Variants in DOK4 observed in about 807,000 individuals in gnomAD.
DOK4 encodes the protein downstream of tyrosine kinase 4.
DOK4 carries 26 observed loss-of-function variants against 40.1 expected under a neutral mutation model. The ratio of observed to expected loss-of-function variants is 0.65; its 90% confidence interval spans 0.48 to 0.90. The LOEUF is 0.90. Among genes scored for constraint, DOK4 ranks in the 40% least tolerant of loss-of-function variants. The pLI is 0.00. For missense variants in DOK4, 392 were observed against 437.2 expected (o/e 0.90, Z 0.92); for synonymous variants, 179 against 177.0 (o/e 1.01, Z -0.09).
chr16:57,485,587 C>G lies in DOK4; in HGVS notation c.-182+718G>C, dbSNP rs2031519367. Among the ~76,000 whole-genome samples, 1 of 152,232 alleles carries G rather than the reference C, an allele frequency of 6.6e-6. No homozygotes were observed. Among genetic ancestry groups the G allele is most frequent in the Non-Finnish European group, 1.5e-5 (1 of 68,048 alleles). The stretch of plus-strand genomic sequence containing the variant: ...CCCACACCCTCCATCCAAGCGGAAG[C>G]GCCCCAGCAACTGACGTGTCCCCAT... On this transcript the variant is annotated intron_variant, in intron 1 of 8. Coordinates refer to ENST00000340099, the Ensembl canonical transcript of DOK4. The surrounding 1 kb of genome is among the most constrained non-coding windows in gnomAD (Gnocchi z 4.3).
chr16:57,473,767 T>G (rs2030998920), intron 7 of DOK4, 31 bp from the exon 8 acceptor site: 1 of 1,597,000 alleles, frequency 6.3e-7, no homozygotes, highest in Non-Finnish European at 8.5e-7. Flanking sequence ...TCACTCCCAT[T>G]AGTGGCTTAC....
In DOK4 at chr16:57,479,078, C is replaced by T. The variant is rs1379672497; in HGVS notation, c.66+364G>A. Among the ~76,000 whole-genome samples, 1 of 152,160 alleles carries T rather than the reference C, an allele frequency of 6.6e-6. No individual in the cohort carries two copies. The highest frequency in any genetic ancestry group is 2.4e-5 in the African/African-American group (1 of 41,438). ...AGAGGAGGCCAGGGGAAGTGAGACGCTGCTTCTCAGCTCAGACACAGCCCG... is the reference window on the plus strand; with the variant it reads ...AGAGGAGGCCAGGGGAAGTGAGACGTTGCTTCTCAGCTCAGACACAGCCCG... On this transcript the variant is annotated intron_variant, in intron 2 of 8. Transcript: ENST00000340099. This position sits in a 1 kb window ranked among gnomAD's most constrained non-coding sequence, Gnocchi z 5.8.
At chr16:57,475,854 G>A (rs2146635515) in exon 3 of DOK4, 3 of 1,611,072 alleles carry the variant, frequency 1.9e-6, no homozygotes, top group Non-Finnish European at 2.5e-6. Flanking sequence ...CCTAACCTTG[G>A]GGCAGCCCCG....
chr16:57,475,057 C>T, intron 5 of DOK4, 43 bp downstream of exon 5: 1 of 1,544,864 alleles, frequency 6.5e-7, no homozygotes, highest in Admixed American at 1.7e-5. Flanking sequence ...TTCCTCTCTT[C>T]CTCCTCCCCC....
chr16:57,473,901 C>G, exon 7 of DOK4: 1 of 1,613,660 alleles, frequency 6.2e-7, no homozygotes, highest in Non-Finnish European at 8.5e-7. Context: ...GCTGCCTCAC[C>G]CTCACGTTCT....
rs1298819752 is a variant in DOK4, at chr16:57,485,535, G to A, written c.-182+770C>T. The stretch of plus-strand genomic sequence containing the variant: ...TCCTAGAGATACTGCCAGGCCCCTC[G>A]CTGCCCTGGCCATCAGACCCCTCCA... On this transcript the variant is annotated intron_variant, in intron 1 of 8. Transcript: ENST00000340099. This position sits in a 1 kb window ranked among gnomAD's most constrained non-coding sequence, Gnocchi z 4.3. 6.6e-6 allele frequency among the ~76,000 whole-genome samples: 1 copy of A among 152,088 alleles called. No homozygotes were observed. Among genetic ancestry groups the A allele is most frequent in the African/African-American group, 2.4e-5 (1 of 41,418 alleles).
rs375876679 is a variant in DOK4 at position 57,474,353 on chromosome 16, T to C, written c.600-314A>G. On this transcript the variant is annotated intron_variant, in intron 6 of 8. Coordinates refer to ENST00000340099, the Ensembl canonical transcript of DOK4. Reference sequence around the variant, plus strand: ...TTTTATAGATGAGGAAACTGAGGCATACAGAAGCTAAGTAACTCAACCAAG... The same window carrying C: ...TTTTATAGATGAGGAAACTGAGGCACACAGAAGCTAAGTAACTCAACCAAG... Among the ~76,000 whole-genome samples, 7 of 152,296 alleles carry C rather than the reference T, an allele frequency of 4.6e-5. No homozygotes were observed. In the East Asian group the frequency reaches 1.3e-3, roughly 29 times the overall value.
At chr16:57,473,796 C>T in intron 7 of DOK4, 60 bp from the exon 8 acceptor site, 1 of 1,589,060 alleles carries the variant, frequency 6.3e-7, no homozygotes. Flanking sequence ...TGAGCAGCCA[C>T]CCCAAGACCC....
chr16:57,483,355 G>A (rs1366724030), intron 1 of DOK4, among the ~76,000 whole-genome samples: 1 of 152,212 alleles, frequency 6.6e-6, no homozygotes, highest in Non-Finnish European at 1.5e-5. Flanking sequence ...AGCAGACCAG[G>A]CACAGTGGCT....
chr16:57,478,415 A>G (rs2146649443), intron 2 of DOK4: 1 of 140,874 alleles, frequency 7.1e-6, no homozygotes, highest in East Asian at 2.3e-4. Flanking sequence ...GCCTGAGCCG[A>G]CCCGCCCCCT....
exon 5 of DOK4, chr16:57,475,191 T>C (rs1335172044): frequency 1.2e-6 from 2 of 1,613,774 alleles, no homozygotes; most frequent in Admixed American, 1.7e-5. Flanking sequence ...CCACAGATAG[T>C]GTCTTGTACC....
chr16:57,482,026 G>A (rs1005656398), intron 1 of DOK4, among the ~76,000 whole-genome samples: 2 of 151,994 alleles, frequency 1.3e-5, no homozygotes, highest in East Asian at 1.9e-4. Context: ...CACCATGCTC[G>A]GCTAATTTTC....
At chr16:57,473,186 TCA>T in exon 9 of DOK4, 8 of 760,864 alleles carry the variant, frequency 1.1e-5, no homozygotes, top group Admixed American at 8.8e-5. Flanking sequence ...CTCCAACCCC[TCA>T]CACATGCTCA....
At chr16:57,482,488 T>A (rs923027079) in intron 1 of DOK4, among the ~76,000 whole-genome samples, 1 of 145,944 alleles carries the variant, frequency 6.9e-6, no homozygotes, top group Non-Finnish European at 1.5e-5. Context: ...TTCCTCAGCC[T>A]CCCGAGTAGC....
Position 57,479,390 on chromosome 16 carries a change from C to T in DOK4, c.66+52G>A. ...CATGCCTCCAAGCCTGGGACCGAGT[C>T]CTCGGGCCCCCATCCCTTGGCAGGG... is the stretch of plus-strand genomic sequence containing the variant. On this transcript the variant is annotated intron_variant, in intron 2 of 8. Coordinates refer to ENST00000340099, the Ensembl canonical transcript of DOK4. This position sits in a 1 kb window ranked among gnomAD's most constrained non-coding sequence, Gnocchi z 5.8. 3 of 1,595,718 alleles carry T rather than the reference C, an allele frequency of 1.9e-6. No individual in the cohort carries two copies. In the South Asian group the frequency reaches 3.3e-5, roughly 18 times the overall value.
At chr16:57,472,273 A>G (rs2030888214) in exon 9 of DOK4, 1 of 152,704 alleles carries the variant, frequency 6.5e-6, no homozygotes, top group Non-Finnish European at 1.5e-5. Flanking sequence ...AGGACCCTAA[A>G]GTATTAAAAA....
chr16:57,477,161 T>G (rs1172787970), intron 2 of DOK4, among the ~76,000 whole-genome samples: 1 of 152,140 alleles, frequency 6.6e-6, no homozygotes, highest in Non-Finnish European at 1.5e-5. Flanking sequence ...GGCCCTACTG[T>G]GCCATGCGTA....
upstream of DOK4, chr16:57,487,219 T>A (rs1393734536): frequency 6.6e-6 from 1 of 152,130 alleles, no homozygotes; most frequent in Non-Finnish European, 1.5e-5. Flanking sequence ...GGAGGAGCTG[T>A]CCCCCCTCTG....
At chr16:57,478,367 C>G (rs1394995152) in intron 2 of DOK4, among the ~76,000 whole-genome samples, 1 of 59,736 alleles carries the variant, frequency 1.7e-5, no homozygotes, top group African/African-American at 1.8e-4. Context: ...CCGCATGCCC[C>G]CCAACCCCAC....
Sources: gnomAD v4.1 joint callset for allele counts (sites outside exome capture counted in the v4.1 genomes callset) on GRCh38, gnomAD v4.1.1 for gene constraint, Gnocchi (gnomAD v3.1) non-coding constraint, MANE v1.5 for transcripts, NCBI Gene and HGNC (gene_info 2026-07-23, HGNC 2026-07-21) for gene names.